Variants in DOCK3 observed in about 807,000 individuals in gnomAD.
The protein encoded by DOCK3 is dedicator of cytokinesis 3.
DOCK3 carries 60 observed loss-of-function variants against 265.6 expected under a neutral mutation model. That is an observed-to-expected ratio of 0.23 (90% CI 0.18 to 0.28). The LOEUF is 0.28. Among genes scored for constraint, DOCK3 ranks in the 10% least tolerant of loss-of-function variants. The probability of loss-of-function intolerance (pLI) is 1.00; values close to 1 mark genes in which losing one functional copy is unlikely to be tolerated. For synonymous variants in DOCK3, 881 were observed against 938.0 expected (o/e 0.94, Z 1.11); for missense variants, 1,981 against 2,594.3 (o/e 0.76, Z 5.14).
At chr3:51,188,066 A>G (rs934812390) in intron 12 of DOCK3, among the ~76,000 whole-genome samples, 1 of 152,212 alleles carries the variant, frequency 6.6e-6, no homozygotes, top group African/African-American at 2.4e-5. Context: ...AGGATGAACA[A>G]CGGAGCCTTC....
At chr3:50,819,996 G>C (rs2044311869) in intron 2 of DOCK3, among the ~76,000 whole-genome samples, 1 of 151,952 alleles carries the variant, frequency 6.6e-6, no homozygotes, top group Non-Finnish European at 1.5e-5. Context: ...AAATGCCATG[G>C]CAACATCTAG....
Position 51,270,695 on chromosome 3 carries a change from C to T in DOCK3, c.2356-120C>T, listed in dbSNP as rs182729336. 2.3e-4 allele frequency: 240 copies of T among 1,050,546 alleles called. No individual in the cohort carries two copies. The African/African-American group carries it at 3.2e-3, about 14-fold the overall frequency. 65.1% of individuals were successfully genotyped at this position (1,050,546 alleles called of 1,614,324 possible). On this transcript the variant is annotated intron_variant, in intron 23 of 52. Coordinates refer to ENST00000266037, the MANE Select transcript of DOCK3 (RefSeq NM_004947.5). The stretch of plus-strand genomic sequence containing the variant: ...AGTCAGTGGCCAGGGAGGAGCCCAC[C>T]GAAGGCAGAGATGCTACAGTGCCTT...
intron 1 of DOCK3, among the ~76,000 whole-genome samples, chr3:50,691,064 C>CGAGGTCAG (rs2035204474): frequency 6.6e-6 from 1 of 151,486 alleles, no homozygotes; most frequent in Non-Finnish European, 1.5e-5. Flanking sequence ...AGGTGGATCA[C>CGAGGTCAG]GAGGTCAGGA....
At chr3:50,798,159 A>G (rs1433540861) in intron 2 of DOCK3, among the ~76,000 whole-genome samples, 2 of 152,234 alleles carry the variant, frequency 1.3e-5, no homozygotes, top group African/African-American at 4.8e-5. Flanking sequence ...GAAATATATC[A>G]AGAGATTTAG....
At position 51,225,523 on chromosome 3, in the gene DOCK3, C is replaced by G. The variant is rs569367023; in HGVS notation, c.1253-126C>G. ...CTGGTAGAATGTCCATCATTATTAA[C>G]CAAGCTTGGAATGCCCTGAACACCC... On this transcript the variant is annotated intron_variant, in intron 14 of 52. Transcript: ENST00000266037. The G allele has an allele frequency of 7.0e-5, 100 of 1,420,034 alleles. 2 individuals carry two copies. The South Asian group carries it at 1.5e-3, about 21-fold the overall frequency. The allele number at this position is 1,420,034 out of a possible 1,614,324, so 88.0% of individuals were successfully genotyped here.
intron 49 of DOCK3, among the ~76,000 whole-genome samples, chr3:51,371,948 A>G (rs891652286): frequency 2.0e-5 from 3 of 152,202 alleles, no homozygotes; most frequent in African/African-American, 7.2e-5. Context: ...AATGGGCATT[A>G]GATATGGGTT....
At chr3:51,353,614 A>T (rs2086153269) in intron 40 of DOCK3, among the ~76,000 whole-genome samples, 1 of 152,146 alleles carries the variant, frequency 6.6e-6, no homozygotes, top group Admixed American at 6.6e-5. Context: ...TCTTATCTCA[A>T]AAAAACAAAA....
At chr3:51,378,432 T>C (rs917315685) in intron 51 of DOCK3, among the ~76,000 whole-genome samples, 3 of 152,182 alleles carry the variant, frequency 2.0e-5, no homozygotes, top group African/African-American at 7.2e-5. Flanking sequence ...CCAAAGCCTG[T>C]CAGCTCCCAT....
In DOCK3 at chr3:50,970,891, TTATATATATATATATATATA is replaced by T. The variant is rs55749209; in HGVS notation, c.315+36851_315+36870del. Among the ~76,000 whole-genome samples, 43 of 12,156 alleles carry T rather than the reference TTATATATATATATATATATA, an allele frequency of 3.5e-3. 1 individual carries two copies. Among genetic ancestry groups the T allele is most frequent in the African/African-American group, 7.0e-3 (33 of 4,740 alleles). 8.0% of individuals were successfully genotyped at this position (12,156 alleles called of 152,430 possible). A position where few individuals can be genotyped will look rare whatever the true frequency, so the allele number is the denominator to read the frequency against. On this transcript the variant is annotated intron_variant, in intron 5 of 52. Coordinates refer to ENST00000266037, the MANE Select transcript of DOCK3 (RefSeq NM_004947.5). Reference sequence around the variant, plus strand: ...ACATACTACCACACTCATCTAATTTTTATATATATATATATATATATATATATATATATATATATATATAT... The same window carrying T: ...ACATACTACCACACTCATCTAATTTTTATATATATATATATATATATATAT...
chr3:51,368,948 C>G (rs2087466367), intron 49 of DOCK3, among the ~76,000 whole-genome samples: 1 of 152,200 alleles, frequency 6.6e-6, no homozygotes, highest in Non-Finnish European at 1.5e-5. Flanking sequence ...GGACCTCCAT[C>G]AAACTCCAAC....
chr3:51,262,039 C>T (rs984001365), intron 23 of DOCK3, among the ~76,000 whole-genome samples: 1 of 152,226 alleles, frequency 6.6e-6, no homozygotes, highest in African/African-American at 2.4e-5. Flanking sequence ...AATGGGAGAT[C>T]TCCCAGCACA....
At chr3:51,030,906 T>G (rs2080020151) in intron 5 of DOCK3, among the ~76,000 whole-genome samples, 1 of 152,246 alleles carries the variant, frequency 6.6e-6, no homozygotes, top group African/African-American at 2.4e-5. Flanking sequence ...ATTAAATCTC[T>G]GATTGGGAAA....
chr3:50,738,490 A>C (rs1576292454), intron 1 of DOCK3, among the ~76,000 whole-genome samples: 1 of 152,128 alleles, frequency 6.6e-6, no homozygotes, highest in East Asian at 1.9e-4. Context: ...TTTAGAAATC[A>C]ATGTCTGTGT....
chr3:51,297,751 A>T (rs2082169042), intron 27 of DOCK3, among the ~76,000 whole-genome samples: 1 of 151,724 alleles, frequency 6.6e-6, no homozygotes, highest in Non-Finnish European at 1.5e-5. Context: ...CCTGGGCAAT[A>T]GAGCAAGACC....
chr3:51,051,175 A>ATTTTTTTTTTTT (rs1399890729), intron 5 of DOCK3, among the ~76,000 whole-genome samples: 6 of 152,224 alleles, frequency 3.9e-5, no homozygotes, highest in Admixed American at 3.9e-4. Flanking sequence ...TTAAAAATAG[A>ATTTTTTTTTTTT]TAAAACCAAA....
intron 4 of DOCK3, among the ~76,000 whole-genome samples, chr3:50,899,664 C>T (rs887502203): frequency 6.6e-6 from 1 of 152,148 alleles, no homozygotes; most frequent in African/African-American, 2.4e-5. Context: ...TCTTGTAAGG[C>T]AGGCCTGGTG....
chr3:51,218,276 A>T (rs2089903416), intron 14 of DOCK3, among the ~76,000 whole-genome samples: 1 of 152,152 alleles, frequency 6.6e-6, no homozygotes, highest in Non-Finnish European at 1.5e-5. Context: ...TCTAAAAAAA[A>T]TGCAAAAATT....
At chr3:50,868,352 G>A (rs930167756) in intron 3 of DOCK3, among the ~76,000 whole-genome samples, 8 of 152,068 alleles carry the variant, frequency 5.3e-5, no homozygotes, top group Non-Finnish European at 8.8e-5. Context: ...GATTACAGGC[G>A]TAAGGCACCA....
At chr3:51,379,859 G>T (rs1016494790) in intron 51 of DOCK3, among the ~76,000 whole-genome samples, 1 of 152,252 alleles carries the variant, frequency 6.6e-6, no homozygotes, top group South Asian at 2.1e-4. Context: ...CTAGCAGTGG[G>T]CTAGAGCTGC....
Sources: allele counts gnomAD v4.1 joint callset (sites outside exome capture counted in the v4.1 genomes callset), GRCh38; gene constraint gnomAD v4.1.1; transcripts MANE v1.5; gene names NCBI Gene and HGNC (gene_info 2026-07-23, HGNC 2026-07-21).